NOL4: variants seen among roughly 807,000 people sequenced by gnomAD.
NOL4 encodes the protein nucleolar protein 4, also known as cancer/testis antigen 125.
A neutral mutation model predicts 75.9 loss-of-function variants in NOL4; 17 were observed. The ratio of observed to expected loss-of-function variants is 0.22; its 90% CI spans 0.15 to 0.34. The LOEUF is 0.34. NOL4 is among the 10% of genes least tolerant of loss of function. The probability of loss-of-function intolerance (pLI) is 1.00; values close to 1 mark genes in which losing one functional copy is unlikely to be tolerated. For missense variants in NOL4, 614 were observed against 793.5 expected (o/e 0.77, Z 2.72); for synonymous variants, 292 against 289.9 (o/e 1.01, Z -0.07).
intron 1 of NOL4, among the ~76,000 whole-genome samples, chr18:34,152,298 T>C (rs2081677114): frequency 6.6e-6 from 1 of 151,896 alleles, no homozygotes; most frequent in African/African-American, 2.4e-5. Flanking sequence ...AACAGAAATG[T>C]TCATGTAAAA....
intron 6 of NOL4, among the ~76,000 whole-genome samples, chr18:33,999,034 T>C (rs1350168873): frequency 6.6e-6 from 1 of 152,252 alleles, no homozygotes; most frequent in East Asian, 1.9e-4. Flanking sequence ...CAGTGGATTT[T>C]TGAGCTGAAG....
chr18:34,040,328 G>T (rs2076087395), intron 5 of NOL4, among the ~76,000 whole-genome samples: 1 of 151,692 alleles, frequency 6.6e-6, no homozygotes, highest in Non-Finnish European at 1.5e-5. Context: ...TACTTCACAT[G>T]AATATGTAAT....
chr18:34,170,179 T>G (rs925217901), intron 1 of NOL4, among the ~76,000 whole-genome samples: 1 of 71,080 alleles, frequency 1.4e-5, no homozygotes, highest in Non-Finnish European at 2.9e-5. Flanking sequence ...TTAAGAACTA[T>G]TTTTTTTTTT....
In NOL4 at chr18:34,059,116, GATATACATATATATATATATATATATAT is replaced by G. The variant is rs1256403361; in HGVS notation, c.772+34321_772+34348del. Among the ~76,000 whole-genome samples the G allele has an allele frequency of 8.1e-3, 654 of 80,944 alleles. 7 individuals carry two copies. The highest frequency in any genetic ancestry group is 0.021 in the Middle Eastern group (3 of 140). The allele number at this position is 80,944 out of a possible 152,430, so 53.1% of individuals were successfully genotyped here. ...ACACATATATATAGAGAGATAGATA[GATATACATATATATATATATATATATAT>G]ATATATATATATACACATGCTTAGT... On this transcript the variant is annotated intron_variant, in intron 5 of 10. Transcript: ENST00000261592.
At chr18:34,174,391 T>A (rs76607818) in intron 1 of NOL4, among the ~76,000 whole-genome samples, 5,204 of 152,220 alleles carry the variant, frequency 0.034, 91 homozygotes, top group Middle Eastern at 0.048. Context: ...CAATCCAATA[T>A]GTATTTGTTA....
chr18:33,876,666 T>C (rs151284274), intron 10 of NOL4, among the ~76,000 whole-genome samples: 16 of 152,224 alleles, frequency 1.1e-4, no homozygotes, highest in African/African-American at 3.6e-4. Context: ...ATGATAGATA[T>C]GATAATGCCA....
chr18:33,965,271 T>A (rs1952555920), intron 6 of NOL4, among the ~76,000 whole-genome samples: 1 of 152,052 alleles, frequency 6.6e-6, no homozygotes, highest in South Asian at 2.1e-4. Flanking sequence ...GGCTAGGAGT[T>A]TAAGACAAGC....
intron 9 of NOL4, among the ~76,000 whole-genome samples, chr18:33,895,580 C>T (rs1487494448): frequency 6.6e-6 from 1 of 151,912 alleles, no homozygotes; most frequent in Non-Finnish European, 1.5e-5. Context: ...GTATTTTTCA[C>T]CTCAGAAACA....
chr18:34,107,613 C>T (rs1305523022), intron 2 of NOL4, among the ~76,000 whole-genome samples: 1 of 151,622 alleles, frequency 6.6e-6, no homozygotes. Context: ...GAAAGATCCT[C>T]CAAGCAGGCT....
At chr18:33,929,134 C>T (rs1182490071) in intron 9 of NOL4, among the ~76,000 whole-genome samples, 1 of 152,144 alleles carries the variant, frequency 6.6e-6, no homozygotes, top group East Asian at 1.9e-4. Flanking sequence ...TTCTTTACCA[C>T]TCCTCTCTAG....
In NOL4 at chr18:34,140,636, T is replaced by A. The variant is rs532987646; in HGVS notation, c.265-10616A>T. Among the ~76,000 whole-genome samples, 7 of 152,302 alleles carry A rather than the reference T, an allele frequency of 4.6e-5. No individual in the cohort carries two copies. The East Asian group carries it at 1.4e-3, about 29-fold the overall frequency. The stretch of plus-strand genomic sequence containing the variant: ...GATGGGTCTTGACTCTGTATCCAAT[T>A]TGCCAGTCTGTGTCTTTTAATTGGA... On this transcript the variant is annotated intron_variant, in intron 1 of 10. Coordinates refer to ENST00000261592, the MANE Select transcript of NOL4 (RefSeq NM_003787.5).
At chr18:34,113,181 T>C (rs976872809) in intron 2 of NOL4, among the ~76,000 whole-genome samples, 1 of 152,094 alleles carries the variant, frequency 6.6e-6, no homozygotes, top group East Asian at 1.9e-4. Context: ...GGTCTCATCA[T>C]GTTGCCCAGT....
intron 6 of NOL4, among the ~76,000 whole-genome samples, chr18:33,969,571 T>C (rs912559218): frequency 6.6e-5 from 10 of 152,150 alleles, no homozygotes; most frequent in African/African-American, 2.4e-4. Context: ...CTTTTTATTA[T>C]TACTTAACAA....
intron 9 of NOL4, among the ~76,000 whole-genome samples, chr18:33,935,737 C>T (rs1253817673): frequency 1.3e-5 from 2 of 152,078 alleles, no homozygotes; most frequent in Non-Finnish European, 2.9e-5. Context: ...CTGTGAAGCA[C>T]AACAAAGTGA....
At chr18:33,947,353 A>T (rs1265255976) in intron 8 of NOL4, among the ~76,000 whole-genome samples, 1 of 151,710 alleles carries the variant, frequency 6.6e-6, no homozygotes, top group Non-Finnish European at 1.5e-5. Flanking sequence ...TGTGTTAGGG[A>T]ATATGGTCAT....
At chr18:34,044,633 T>C (rs1008182962) in intron 5 of NOL4, among the ~76,000 whole-genome samples, 2 of 152,214 alleles carry the variant, frequency 1.3e-5, no homozygotes, top group Middle Eastern at 3.2e-3. Flanking sequence ...TGAAATTTTA[T>C]GCAATAATAT....
intron 10 of NOL4, among the ~76,000 whole-genome samples, chr18:33,858,333 G>A (rs542168799): frequency 1.3e-5 from 2 of 151,768 alleles, no homozygotes; most frequent in South Asian, 4.2e-4. Context: ...TTATTTTTGT[G>A]ATCAGATGTT....
intron 1 of NOL4, chr18:34,222,260 C>T: frequency 1.4e-6 from 2 of 1,379,928 alleles, no homozygotes; most frequent in Non-Finnish European, 1.9e-6. Context: ...ACACACCATT[C>T]GATAGCGCCT....
chr18:34,024,539 T>C (rs1453598212), intron 5 of NOL4, among the ~76,000 whole-genome samples: 5 of 152,060 alleles, frequency 3.3e-5, no homozygotes, highest in Non-Finnish European at 4.4e-5. Flanking sequence ...GTCTCTGCTC[T>C]GTCTTTTCCC....
Sources: gnomAD v4.1 joint callset for allele counts (sites outside exome capture counted in the v4.1 genomes callset) on GRCh38, gnomAD v4.1.1 for gene constraint, MANE v1.5 for transcripts, NCBI Gene and HGNC (gene_info 2026-07-23, HGNC 2026-07-21) for gene names.